Variants in SIGLEC1 observed in about 807,000 individuals in gnomAD.
SIGLEC1 encodes sialoadhesin.
A neutral mutation model predicts 148.0 loss-of-function variants in SIGLEC1; 132 were observed. That is an observed-to-expected ratio of 0.89 (90% CI 0.77 to 1.03). The LOEUF is 1.03. Ranked by LOEUF, SIGLEC1 falls within the 50% of genes least tolerant of loss-of-function variation. SIGLEC1 has a pLI of 0.00. For missense variants in SIGLEC1, 2,253 were observed against 2,271.4 expected, an observed-to-expected ratio of 0.99 and a Z score of 0.16; for synonymous variants, 945 against 969.0, an observed-to-expected ratio of 0.98 and a Z score of 0.46.
Position 3,688,558 on chromosome 20 carries a change from G to A in SIGLEC1, c.*2C>T, listed in dbSNP as rs1370453329. The A allele has an allele frequency of 6.3e-7, 1 of 1,596,112 alleles. No homozygotes were observed. On this transcript the variant is annotated 3_prime_UTR_variant, in exon 22 of 22. Coordinates refer to ENST00000344754, the MANE Select transcript of SIGLEC1 (RefSeq NM_023068.4). ...CCTCCGGAGGGCAGGCAACACCACT[G>A]GTCAGCCCAGGGGTGGGGCACAGGT...
intron 5 of SIGLEC1, 56 bp from the exon 6 acceptor site, chr20:3,703,507 C>T: frequency 6.5e-7 from 1 of 1,530,770 alleles, no homozygotes; most frequent in South Asian, 1.3e-5. Flanking sequence ...CAGCCCCAGC[C>T]CCATACAGTC....
chr20:3,703,575 C>T, intron 5 of SIGLEC1, 124 bp from the exon 6 acceptor site: 1 of 1,295,190 alleles, frequency 7.7e-7, no homozygotes, highest in Non-Finnish European at 1.0e-6. Flanking sequence ...CCGCCTGCTG[C>T]TACAGGGGAG....
At chr20:3,711,535 C>T (rs757747623) in intron 1 of SIGLEC1, among the ~76,000 whole-genome samples, 5 of 152,184 alleles carry the variant, frequency 3.3e-5, no homozygotes, top group South Asian at 4.1e-4. Context: ...CCCCAACTTC[C>T]CCATTGGGCT....
intron 1 of SIGLEC1, among the ~76,000 whole-genome samples, chr20:3,712,209 G>T (rs1004573170): frequency 6.6e-6 from 1 of 152,002 alleles, no homozygotes. Flanking sequence ...TGGGGCTGGG[G>T]CTGAGGTAGG....
chr20:3,694,375 G>A lies in SIGLEC1; in HGVS notation c.3102C>T (p.Pro1034=), dbSNP rs551720638. The part of the protein sequence containing the change: ...VASTLQGVGG[P]EGSSPRLHVA... The stretch of plus-strand genomic sequence containing the variant: ...CATGCAGCCTGGGAGAGCTGCCTTC[G>A]GGTCCCCCCACACCTTGTAGGGTGG... The change falls in exon 13 of 22, where the codon CCC becomes CCT. Residue 1034 remains proline (P), a synonymous_variant. Transcript: ENST00000344754. 1.8e-5 allele frequency: 29 copies of A among 1,613,248 alleles called. No homozygotes were observed. The highest frequency in any genetic ancestry group is 1.3e-4 in the East Asian group (6 of 44,880).
chr20:3,693,486 C>A lies in SIGLEC1; in HGVS notation c.3469G>T (p.Ala1157Ser), dbSNP rs1413760780. The A allele has an allele frequency of 1.2e-6, 2 of 1,601,290 alleles. No individual in the cohort carries two copies. Among genetic ancestry groups the A allele is most frequent in the Non-Finnish European group, 1.7e-6 (2 of 1,172,866 alleles). ...GTGATAGGTCTGGAGAGGCGGGGTG[C>A]CCGACCAGGGGGGCCCACACCGCAG... ...YRCGVGPPGR[A>S]PRLSRPITLD... The change falls in exon 14 of 22, where the codon GCA becomes TCA. Residue 1157 changes from alanine to serine, a missense_variant. Coordinates refer to ENST00000344754, the MANE Select transcript of SIGLEC1 (RefSeq NM_023068.4).
chr20:3,705,879 A>G lies in SIGLEC1; in HGVS notation c.571T>C (p.Phe191Leu). The part of the protein sequence containing the change: ...ARSVTFNSQK[F>L]EPTGVGHLET... ...AGGTGGCCGACGCCGGTGGGCTCAAACTTCTGGCTGTTGAAGGTGACAGAG... is the reference window on the plus strand; with the variant it reads ...AGGTGGCCGACGCCGGTGGGCTCAAGCTTCTGGCTGTTGAAGGTGACAGAG... The change falls in exon 4 of 22, where the codon TTT (phenylalanine) becomes CTT (leucine). Residue 191 changes from phenylalanine to leucine, a missense_variant. By Grantham distance (22) the Phe-to-Leu change is conservative (BLOSUM62 0). Coordinates refer to ENST00000344754, the MANE Select transcript of SIGLEC1 (RefSeq NM_023068.4). 1 of 1,614,164 alleles carries G rather than the reference A, an allele frequency of 6.2e-7. No homozygotes were observed. The highest frequency in any genetic ancestry group is 1.1e-5 in the South Asian group (1 of 91,090).
chr20:3,689,564 C>T lies in SIGLEC1; in HGVS notation c.4997+36G>A, dbSNP rs1277461406. On this transcript the variant is annotated intron_variant, in intron 20 of 21. Coordinates refer to ENST00000344754, the MANE Select transcript of SIGLEC1 (RefSeq NM_023068.4). ...GAGAAGACGAGGTGGGCTGCCTTAC[C>T]CCAATCTTCTGGCCCACTCCCAGCT... is the stretch of plus-strand genomic sequence containing the variant. 2.1e-6 allele frequency: 3 copies of T among 1,455,404 alleles called. No homozygotes were observed. The Admixed American group carries it at 6.0e-5, about 29-fold the overall frequency. 90.2% of individuals were successfully genotyped at this position (1,455,404 alleles called of 1,614,324 possible).
intron 7 of SIGLEC1, 140 bp from the exon 8 acceptor site, chr20:3,699,599 C>T (rs1221733226): frequency 1.9e-6 from 2 of 1,030,048 alleles, no homozygotes; most frequent in Non-Finnish European, 2.8e-6. Context: ...GGAGGGTTTG[C>T]CCTTTAATGC....
Position 3,701,341 on chromosome 20 carries a change from C to T in SIGLEC1, c.1528+1G>A. 1 of 1,603,880 alleles carries T rather than the reference C, an allele frequency of 6.2e-7. No homozygotes were observed. Among genetic ancestry groups the T allele is most frequent in the Non-Finnish European group, 8.5e-7 (1 of 1,173,964 alleles). Reference sequence around the variant, plus strand: ...TCCCTGGCTGCCAGTGCCCATCTTACCATTGGCATGGAAGTCCAGGGTGGA... The same window carrying T: ...TCCCTGGCTGCCAGTGCCCATCTTATCATTGGCATGGAAGTCCAGGGTGGA... On this transcript the variant is annotated splice_donor_variant, in intron 7 of 21. Coordinates refer to ENST00000344754, the MANE Select transcript of SIGLEC1 (RefSeq NM_023068.4). LOFTEE classifies it high-confidence loss of function.
chr20:3,692,966 C>G lies in SIGLEC1; in HGVS notation c.3674G>C (p.Arg1225Pro). The change falls in exon 15 of 22, where the codon CGC becomes CCC. Residue 1225 changes from arginine to proline, a missense_variant. Physicochemically the swap from Arg to Pro is moderately radical, Grantham distance 103. Transcript: ENST00000344754. Reference protein sequence around the residue: ...STAASVPNTLRLELRGPQPRD... With the variant: ...STAASVPNTLPLELRGPQPRD... ...GGGCTGTGGCCCTCGCAGCTCCAGG[C>G]GCAGGGTGTTGGGGACAGAGGCTGC... 6.2e-7 allele frequency: 1 copy of G among 1,612,624 alleles called. No homozygotes were observed. The highest frequency in any genetic ancestry group is 1.1e-5 in the South Asian group (1 of 91,080).
intron 5 of SIGLEC1, 135 bp from the exon 6 acceptor site, chr20:3,703,586 C>A: frequency 4.1e-6 from 5 of 1,214,660 alleles, no homozygotes; most frequent in Non-Finnish European, 5.6e-6. Flanking sequence ...TACAGGGGAG[C>A]CTCCTGGAGT....
At chr20:3,707,811 C>G (rs188320205) in intron 1 of SIGLEC1, among the ~76,000 whole-genome samples, 9 of 152,002 alleles carry the variant, frequency 5.9e-5, no homozygotes, top group Admixed American at 5.9e-4. Flanking sequence ...GGGGGCAGTT[C>G]TGTCTGCTCA....
Position 3,690,200 on chromosome 20 carries a change from C to G in SIGLEC1, c.4656G>C (p.Leu1552=). 3.8e-6 allele frequency: 6 copies of G among 1,560,596 alleles called. No homozygotes were observed. Among genetic ancestry groups the G allele is most frequent in the Non-Finnish European group, 4.3e-6 (5 of 1,153,122 alleles). ...VEPEGGLRGI[L]DCRVDSEPLA... is the part of the protein sequence containing the mutation. ...GCGGCTCGCTGTCCACTCGGCAATC[C>G]AGGATGCCCCGGAGGCCACCCTCAG... The change falls in exon 19 of 22, where the codon CTG becomes CTC. Residue 1552 remains leucine (L), a synonymous_variant. Transcript: ENST00000344754.
rs1193245697 is a variant in SIGLEC1 at position 3,693,016 on chromosome 20, G to A, written c.3624C>T (p.Ala1208=). ...RPPAQLALSH[A]GRLLASSTAA... is the part of the protein sequence containing the mutation. The stretch of plus-strand genomic sequence containing the variant: ...CTGTCGAGGAGGCCAAGAGGCGACC[G>A]GCGTGGCTGAGGGCCAGCTGGGCGG... The change falls in exon 15 of 22, where the codon GCC becomes GCT. Residue 1208 remains alanine, a synonymous_variant. Coordinates refer to ENST00000344754, the MANE Select transcript of SIGLEC1 (RefSeq NM_023068.4). The A allele has an allele frequency of 9.3e-6, 15 of 1,611,710 alleles. No individual in the cohort carries two copies. The highest frequency in any genetic ancestry group is 1.7e-4 in the Middle Eastern group (1 of 6,040).
At chr20:3,696,332 T>A (rs1036178584) in intron 11 of SIGLEC1, among the ~76,000 whole-genome samples, 7 of 152,150 alleles carry the variant, frequency 4.6e-5, no homozygotes, top group African/African-American at 1.7e-4. Flanking sequence ...ACAAAACAAG[T>A]TATTTCAGAA....
intron 1 of SIGLEC1, among the ~76,000 whole-genome samples, chr20:3,711,264 T>A (rs896925371): frequency 1.3e-5 from 2 of 152,202 alleles, no homozygotes; most frequent in Admixed American, 6.5e-5. Flanking sequence ...GACAGGATTT[T>A]AAATCCCCAC....
chr20:3,697,408 C>T (rs1276181178), intron 9 of SIGLEC1, 66 bp from the exon 10 acceptor site: 16 of 1,598,652 alleles, frequency 1.0e-5, no homozygotes, highest in Non-Finnish European at 1.4e-5. Context: ...TCCAGCCGCC[C>T]AGCCTGGAAG....
At chr20:3,696,523 G>A (rs1306305173) in intron 11 of SIGLEC1, 63 bp downstream of exon 11, 14 of 1,465,280 alleles carry the variant, frequency 9.6e-6, no homozygotes, top group South Asian at 2.8e-5. Context: ...CCAGCCCAAA[G>A]TCTGACCAGA....
Sources: gnomAD v4.1 joint callset for allele counts (sites outside exome capture counted in the v4.1 genomes callset) on GRCh38, gnomAD v4.1.1 for gene constraint, MANE v1.5 for transcripts, NCBI Gene and HGNC (gene_info 2026-07-23, HGNC 2026-07-21) for gene names.